Variants in NOSTRIN observed in about 807,000 individuals in gnomAD.
NOSTRIN encodes the protein BM247 homolog.
Under a neutral mutation model 59.0 loss-of-function variants are expected in NOSTRIN, and 63 were observed. The ratio of observed to expected loss-of-function variants is 1.07; its 90% CI spans 0.87 to 1.32. The LOEUF (loss-of-function observed/expected upper bound fraction) is 1.32, where lower values mean the gene tolerates loss of function less well. NOSTRIN is among the 40% of genes most tolerant of loss of function. The pLI is 0.00. For synonymous variants in NOSTRIN, 200 were observed against 165.4 expected (o/e 1.21, Z -1.61); for missense variants, 512 against 473.1 (o/e 1.08, Z -0.76).
At chr2:168,802,168 C>G (rs140050796), upstream of NOSTRIN, among the ~76,000 whole-genome samples, 416 of 152,204 alleles carry the variant, frequency 2.7e-3, 2 homozygotes, top group African/African-American at 9.5e-3. Flanking sequence ...GTTGTTTGCT[C>G]TCTCTAGGAA....
At chr2:168,800,530 A>G (rs1219630009), upstream of NOSTRIN, among the ~76,000 whole-genome samples, 1 of 152,168 alleles carries the variant, frequency 6.6e-6, no homozygotes, top group Non-Finnish European at 1.5e-5. Context: ...TTAATTCAGC[A>G]GATGTCCAGG....
intron 13 of NOSTRIN, 138 bp downstream of exon 13, chr2:168,859,775 GT>G (rs1159153213): frequency 8.4e-7 from 1 of 1,193,824 alleles, no homozygotes; most frequent in Non-Finnish European, 1.1e-6. Context: ...GAAGATAAAT[GT>G]TTTTATTTTT....
At chr2:168,794,734 G>C (rs1446564800), upstream of NOSTRIN, among the ~76,000 whole-genome samples, 1 of 152,050 alleles carries the variant, frequency 6.6e-6, no homozygotes, top group Non-Finnish European at 1.5e-5. Flanking sequence ...AGTCTCAGGG[G>C]TGTAAAATGG....
chr2:168,859,617 A>G lies in NOSTRIN; in HGVS notation c.1159A>G (p.Ile387Val), dbSNP rs752183055. ...PQPSHPCSNS[I>V]FRWREKEHTH... ...ACCCAGCCATCCTTGTAGTAATTCCATCTTCAGGTGGAGGGAAAAGGTAAC... is the reference window on the plus strand; with the variant it reads ...ACCCAGCCATCCTTGTAGTAATTCCGTCTTCAGGTGGAGGGAAAAGGTAAC... The change falls in exon 13 of 16, where the codon ATC becomes GTC. Residue 387 changes from isoleucine to valine, a missense_variant. Coordinates refer to ENST00000317647, the MANE Select transcript of NOSTRIN (RefSeq NM_001039724.4). 10 of 1,613,940 alleles carry G rather than the reference A, an allele frequency of 6.2e-6. No homozygotes were observed. The highest frequency in any genetic ancestry group is 8.5e-6 in the Non-Finnish European group (10 of 1,179,976).
chr2:168,799,570 A>G (rs1201534873), upstream of NOSTRIN, among the ~76,000 whole-genome samples: 1 of 152,152 alleles, frequency 6.6e-6, no homozygotes, highest in Non-Finnish European at 1.5e-5. Flanking sequence ...CTCACAACCC[A>G]TATCCAGGAG....
At chr2:168,862,352 A>C (rs1353899938) in intron 15 of NOSTRIN, among the ~76,000 whole-genome samples, 2 of 152,212 alleles carry the variant, frequency 1.3e-5, no homozygotes, top group Non-Finnish European at 2.9e-5. Context: ...CAGGAAGGTT[A>C]GGTGCTTTGG....
chr2:168,853,552 CCT>C (rs1688896427), intron 10 of NOSTRIN, among the ~76,000 whole-genome samples: 2 of 152,146 alleles, frequency 1.3e-5, no homozygotes. Context: ...GCAATCTATC[CCT>C]GGAAATACAT....
chr2:168,788,691 G>A (rs1685267334), intron 2 of NOSTRIN, among the ~76,000 whole-genome samples: 1 of 152,148 alleles, frequency 6.6e-6, no homozygotes, highest in Non-Finnish European at 1.5e-5. Context: ...TTAACAATAA[G>A]GGGAGCCAGT....
At chr2:168,798,707 C>T (rs569594152), upstream of NOSTRIN, among the ~76,000 whole-genome samples, 16 of 152,176 alleles carry the variant, frequency 1.1e-4, no homozygotes, top group South Asian at 2.1e-4. Context: ...GGACCAGAGA[C>T]GAATCTGAGA....
chr2:168,862,222 C>T (rs536868356), intron 15 of NOSTRIN, among the ~76,000 whole-genome samples, 173 bp downstream of exon 15: 6 of 152,306 alleles, frequency 3.9e-5, no homozygotes, highest in Middle Eastern at 3.4e-3. Flanking sequence ...TAATAGCTAA[C>T]GCTTATTCTG....
chr2:168,795,401 T>C (rs1438638010), upstream of NOSTRIN, among the ~76,000 whole-genome samples: 4 of 152,252 alleles, frequency 2.6e-5, no homozygotes, highest in African/African-American at 7.2e-5. Context: ...AATGTCCTTG[T>C]TCTCATGCTT....
At chr2:168,824,808 G>C (rs1686967471) in intron 3 of NOSTRIN, 91 bp downstream of exon 3, 1 of 566,488 alleles carries the variant, frequency 1.8e-6, no homozygotes, top group South Asian at 1.8e-5. Flanking sequence ...ACAGGGTCTT[G>C]CTCTGTTACC....
chr2:168,805,599 GC>G (rs993703827), intron 1 of NOSTRIN, among the ~76,000 whole-genome samples: 3 of 152,146 alleles, frequency 2.0e-5, no homozygotes, highest in African/African-American at 4.8e-5. Context: ...CCAAATTTTT[GC>G]TTTTTACACA....
intron 2 of NOSTRIN, among the ~76,000 whole-genome samples, chr2:168,816,595 C>T (rs1686419428): frequency 6.6e-6 from 1 of 152,218 alleles, no homozygotes; most frequent in South Asian, 2.1e-4. Context: ...CCATTCAACA[C>T]ATTCTTTAAG....
intron 11 of NOSTRIN, 188 bp downstream of exon 11, chr2:168,855,648 A>T (rs1222677637): frequency 2.1e-6 from 1 of 468,932 alleles, no homozygotes; most frequent in African/African-American, 2.0e-5. Context: ...CAAAAAAAAA[A>T]AAAAAAGGAA....
At chr2:168,836,241 A>T (rs1422583281) in intron 7 of NOSTRIN, among the ~76,000 whole-genome samples, 1 of 152,236 alleles carries the variant, frequency 6.6e-6, no homozygotes, top group Non-Finnish European at 1.5e-5. Context: ...GGACCTGCCT[A>T]GGCATTCTGA....
chr2:168,856,796 G>T lies in NOSTRIN; in HGVS notation c.1053+18G>T, dbSNP rs1458063067. The T allele has an allele frequency of 3.1e-6, 5 of 1,607,256 alleles. No homozygotes were observed. The highest frequency in any genetic ancestry group is 3.4e-6 in the Non-Finnish European group (4 of 1,173,842). ...TGGATGAGGTAAATGTTTGCCGAGT[G>T]CATTTCCTAGATGTAGTGATGAAAA... On this transcript the variant is annotated intron_variant, in intron 12 of 15. Coordinates refer to ENST00000317647, the MANE Select transcript of NOSTRIN (RefSeq NM_001039724.4).
chr2:168,852,864 G>A (rs1297493912), intron 10 of NOSTRIN, among the ~76,000 whole-genome samples: 4 of 152,118 alleles, frequency 2.6e-5, no homozygotes, highest in African/African-American at 4.8e-5. Context: ...GCAGAAACAA[G>A]GTAGAAATGG....
intron 10 of NOSTRIN, among the ~76,000 whole-genome samples, chr2:168,853,728 C>T (rs1377803283): frequency 6.6e-6 from 1 of 152,126 alleles, no homozygotes; most frequent in African/African-American, 2.4e-5. Flanking sequence ...CAGCTTGCGC[C>T]TCAGCTGTGG....
Sources: gnomAD v4.1 joint callset for allele counts (sites outside exome capture counted in the v4.1 genomes callset) on GRCh38, gnomAD v4.1.1 for gene constraint, MANE v1.5 for transcripts, NCBI Gene and HGNC (gene_info 2026-07-23, HGNC 2026-07-21) for gene names.